ADAP1: variants seen among roughly 807,000 people sequenced by gnomAD.
ADAP1 encodes ArfGAP with dual PH domains 1.
In ADAP1, 31 loss-of-function variants were observed where a neutral mutation model predicts 54.9. The observed-to-expected ratio is 0.56, with a 90% confidence interval of 0.42 to 0.76. ADAP1 has a LOEUF of 0.76. Ranked by LOEUF, ADAP1 falls within the 30% of genes least tolerant of loss-of-function variation. The pLI is 0.00. For missense variants in ADAP1, 535 were observed against 512.4 expected (o/e 1.04, Z -0.42); for synonymous variants, 313 against 202.6 (o/e 1.55, Z -4.63).
intron 10 of ADAP1, 25 bp from the exon 11 acceptor site, chr7:898,974 T>C (rs1235287771): frequency 1.2e-6 from 2 of 1,611,502 alleles, no homozygotes; most frequent in African/African-American, 2.7e-5. Flanking sequence ...GGTCCAGCGT[T>C]GTCACAGCGG....
At position 946,037 on chromosome 7, in the gene ADAP1, C is replaced by T. The variant is rs184279626; in HGVS notation, c.82+8359G>A. On this transcript the variant is annotated intron_variant, in intron 1 of 10. Transcript: ENST00000265846. The surrounding 1 kb of genome is among the most constrained non-coding windows in gnomAD (Gnocchi z 4.3). ...GTCGGACGCTGGCTCTGGCCAGGCA[C>T]GCAAGGGGCAGCCGAGGTGGGAGGG... 5.3e-5 allele frequency among the ~76,000 whole-genome samples: 8 copies of T among 152,304 alleles called. No individual in the cohort carries two copies. Among genetic ancestry groups the T allele is most frequent in the African/African-American group, 1.2e-4 (5 of 41,564 alleles).
At chr7:901,001 T>C (rs1562906330) in intron 6 of ADAP1, 1 of 488,132 alleles carries the variant, frequency 2.0e-6, no homozygotes, top group African/African-American at 2.0e-5. Context: ...GCTATTTTTA[T>C]GAAGATCCTT....
At chr7:915,488 G>GCAAGGC (rs1845896870) in intron 4 of ADAP1, among the ~76,000 whole-genome samples, 1 of 152,204 alleles carries the variant, frequency 6.6e-6, no homozygotes, top group African/African-American at 2.4e-5. Context: ...AGGCCGGCAG[G>GCAAGGC]CAAGGCCAAG....
At chr7:928,407 T>C (rs1846459065) in intron 2 of ADAP1, among the ~76,000 whole-genome samples, 2 of 152,026 alleles carry the variant, frequency 1.3e-5, no homozygotes, top group African/African-American at 4.8e-5. Context: ...TAAAAATGGG[T>C]AAGGGTTTTT....
chr7:946,456 C>T lies in ADAP1; in HGVS notation c.82+7940G>A, dbSNP rs567155087. On this transcript the variant is annotated intron_variant, in intron 1 of 10. Transcript: ENST00000265846. The surrounding 1 kb of genome is among the most constrained non-coding windows in gnomAD (Gnocchi z 4.3). The stretch of plus-strand genomic sequence containing the variant: ...GGACCCAGATCCGCTGGCCCCTACC[C>T]GGTTCAGGGACACGTGCCCCTCTCC... Among the ~76,000 whole-genome samples, 2 of 152,196 alleles carry T rather than the reference C, an allele frequency of 1.3e-5. No homozygotes were observed. Among genetic ancestry groups the T allele is most frequent in the African/African-American group, 2.4e-5 (1 of 41,452 alleles).
chr7:902,832 G>A (rs149130742), intron 6 of ADAP1, among the ~76,000 whole-genome samples: 2 of 152,210 alleles, frequency 1.3e-5, no homozygotes, highest in South Asian at 2.1e-4. Context: ...CGGGACAAAC[G>A]TACTAGGATG....
chr7:949,162 C>T (rs776063074), intron 1 of ADAP1, among the ~76,000 whole-genome samples: 22 of 152,248 alleles, frequency 1.4e-4, no homozygotes, highest in South Asian at 6.2e-4. Flanking sequence ...GCACTCAGTA[C>T]ATGTGTACGG....
chr7:919,799 AGATGGGGG>A (rs1846106932), intron 4 of ADAP1, among the ~76,000 whole-genome samples, 161 bp downstream of exon 4: 1 of 7,862 alleles, frequency 1.3e-4, no homozygotes, highest in East Asian at 6.9e-3. Flanking sequence ...GGAGGGAGGG[AGATGGGGG>A]GAGGGAGGGA....
chr7:911,434 G>T (rs1183711989), intron 4 of ADAP1, among the ~76,000 whole-genome samples: 1 of 152,112 alleles, frequency 6.6e-6, no homozygotes, highest in Admixed American at 6.5e-5. Context: ...CAGCCCCAGG[G>T]TACCCCCCTC....
intron 4 of ADAP1, among the ~76,000 whole-genome samples, chr7:905,880 A>AG (rs1228950616): frequency 1.2e-4 from 3 of 24,326 alleles, no homozygotes; most frequent in Non-Finnish European, 1.7e-4. Context: ...GAAGGGAGAA[A>AG]GGAGAAAGGA....
At chr7:922,246 G>A (rs956944526) in intron 3 of ADAP1, among the ~76,000 whole-genome samples, 1 of 152,150 alleles carries the variant, frequency 6.6e-6, no homozygotes, top group Non-Finnish European at 1.5e-5. Context: ...CTCAGCCCAC[G>A]CCCCAGGAAG....
chr7:899,108 C>A lies in ADAP1; in HGVS notation c.1021G>T (p.Glu341Ter). ...GCCACCCACTCCCTCTGGTCGGACT[C>A]CGTCTCGCAGGCAAACAGAAACTTG... ...DRKFLFACET[E>*]SDQREWVAAF... is the part of the protein sequence containing the mutation. The change falls in exon 10 of 11, where the codon GAG (glutamate) becomes TAG (stop). Residue 341 changes from glutamate to a stop codon, truncating the protein, a stop_gained. Transcript: ENST00000265846. LOFTEE classifies it high-confidence loss of function. 6.2e-7 allele frequency: 1 copy of A among 1,608,696 alleles called. No homozygotes were observed. The highest frequency in any genetic ancestry group is 8.5e-7 in the Non-Finnish European group (1 of 1,179,940).
chr7:898,996 G>C (rs1410395510), intron 10 of ADAP1, 37 bp downstream of exon 10: 2 of 1,609,968 alleles, frequency 1.2e-6, no homozygotes, highest in Non-Finnish European at 8.5e-7. Context: ...GGGGAGCTGG[G>C]AGCCCTTCCA....
At chr7:953,242 T>A (rs1847310951) in intron 1 of ADAP1, among the ~76,000 whole-genome samples, 1 of 152,168 alleles carries the variant, frequency 6.6e-6, no homozygotes, top group Non-Finnish European at 1.5e-5. Context: ...CAGGAGACCA[T>A]GGAAAGGCCG....
intron 4 of ADAP1, among the ~76,000 whole-genome samples, chr7:911,309 A>C (rs373783441): frequency 2.0e-5 from 3 of 151,544 alleles, no homozygotes; most frequent in East Asian, 3.9e-4. Flanking sequence ...AGACCCCCCC[A>C]CTCACACACG....
Position 899,451 on chromosome 7 carries a change from C to A in ADAP1, c.835G>T (p.Asp279Tyr). ...TCTTTGAAGTACATGAGCCTGCGGT[C>A]ATCCATGGTGAACCAGCGCTTCCGG... is the stretch of plus-strand genomic sequence containing the variant. ...GFRKRWFTMD[D>Y]RRLMYFKDPL... is the part of the protein sequence containing the mutation. Residue 279 changes from aspartate (D) to tyrosine (Y), a missense_variant, in exon 9 of 11, where the codon GAC becomes TAC. Coordinates refer to ENST00000265846, the MANE Select transcript of ADAP1 (RefSeq NM_006869.4). 1 of 1,613,178 alleles carries A rather than the reference C, an allele frequency of 6.2e-7. No individual in the cohort carries two copies. Among genetic ancestry groups the A allele is most frequent in the South Asian group, 1.1e-5 (1 of 91,036 alleles).
chr7:927,220 C>T (rs1413642168), intron 2 of ADAP1: 8 of 1,271,806 alleles, frequency 6.3e-6, no homozygotes, highest in East Asian at 1.1e-4. Flanking sequence ...AAGGAAACGG[C>T]GCCGTGAAGG....
chr7:930,407 G>T, intron 2 of ADAP1, among the ~76,000 whole-genome samples: 2 of 148,510 alleles, frequency 1.3e-5, no homozygotes, highest in East Asian at 2.0e-4. Flanking sequence ...GCCGGGCGCG[G>T]TGGCTCACAC....
chr7:908,786 G>T (rs574869550), intron 4 of ADAP1, among the ~76,000 whole-genome samples: 1 of 152,228 alleles, frequency 6.6e-6, no homozygotes, highest in African/African-American at 2.4e-5. Context: ...TGCCGCTCAC[G>T]GCCTTGTGTG....
Sources: gnomAD v4.1 joint callset for allele counts (sites outside exome capture counted in the v4.1 genomes callset) on GRCh38, gnomAD v4.1.1 for gene constraint, Gnocchi (gnomAD v3.1) non-coding constraint, MANE v1.5 for transcripts, NCBI Gene and HGNC (gene_info 2026-07-23, HGNC 2026-07-21) for gene names.